The following BRINP3 variants were observed in gnomAD, a reference collection of about 807,000 sequenced individuals.
BRINP3 encodes the protein BMP/retinoic acid inducible neural specific 3, also known as BMP/retinoic acid-inducible neural-specific protein 3.
A neutral mutation model predicts 71.0 loss-of-function variants in BRINP3; 19 were observed. That is an observed-to-expected ratio of 0.27 (90% confidence interval 0.19 to 0.39). The LOEUF is 0.39. Ranked by LOEUF, BRINP3 falls within the 10% of genes least tolerant of loss-of-function variation. BRINP3 has a pLI of 1.00. For synonymous variants in BRINP3, 380 were observed against 337.7 expected, an observed-to-expected ratio of 1.13 and a Z score of -1.37; for missense variants, 959 against 940.8, an observed-to-expected ratio of 1.02 and a Z score of -0.25.
chr1:190,379,648 T>C (rs1215754691), intron 2 of BRINP3, among the ~76,000 whole-genome samples: 1 of 151,870 alleles, frequency 6.6e-6, no homozygotes, highest in Non-Finnish European at 1.5e-5. Flanking sequence ...AGAAGAATGG[T>C]GTAAGCAAAA....
chr1:190,347,463 C>A (rs1668098724), intron 2 of BRINP3, among the ~76,000 whole-genome samples: 1 of 152,114 alleles, frequency 6.6e-6, no homozygotes, highest in Admixed American at 6.6e-5. Flanking sequence ...TTAATATTCA[C>A]AAACATTATG....
At chr1:190,103,525 C>CATG (rs1651878731) in intron 7 of BRINP3, among the ~76,000 whole-genome samples, 1 of 152,022 alleles carries the variant, frequency 6.6e-6, no homozygotes, top group South Asian at 2.1e-4. Context: ...TCAGGAATCT[C>CATG]ATGTTAAAAT....
intron 6 of BRINP3, among the ~76,000 whole-genome samples, chr1:190,173,787 T>C (rs1385963334): frequency 3.9e-5 from 6 of 152,198 alleles, no homozygotes; most frequent in Non-Finnish European, 8.8e-5. Context: ...TTTATGAATA[T>C]AACTATTTTC....
rs1349757214 is a variant in BRINP3, at chr1:190,097,933, A to T, written c.*85T>A. ...AAGACAGATATTGAAAAGACAATTT[A>T]AATTTACTCTTCCAAACATAAACTG... On this transcript the variant is annotated 3_prime_UTR_variant, in exon 8 of 8. Transcript: ENST00000367462. 2 of 1,390,070 alleles carry T rather than the reference A, an allele frequency of 1.4e-6. No homozygotes were observed. The highest frequency in any genetic ancestry group is 1.9e-6 in the Non-Finnish European group (2 of 1,026,806). 86.1% of individuals were successfully genotyped at this position (1,390,070 alleles called of 1,614,324 possible).
chr1:190,120,567 C>A (rs996363443), intron 7 of BRINP3, among the ~76,000 whole-genome samples: 8 of 152,014 alleles, frequency 5.3e-5, no homozygotes, highest in Non-Finnish European at 1.2e-4. Flanking sequence ...GCAATCTTGG[C>A]TCACTGCCAC....
At chr1:190,324,219 G>A (rs1312903824) in intron 2 of BRINP3, among the ~76,000 whole-genome samples, 1 of 151,688 alleles carries the variant, frequency 6.6e-6, no homozygotes, top group South Asian at 2.1e-4. Context: ...GCTATACAAC[G>A]TGTGTGTTGT....
At chr1:190,457,603 T>C (rs1334493841) in intron 1 of BRINP3, among the ~76,000 whole-genome samples, 1 of 152,204 alleles carries the variant, frequency 6.6e-6, no homozygotes, top group Non-Finnish European at 1.5e-5. Context: ...TAGAGTGAGT[T>C]AATATTTGTA....
At chr1:190,414,867 G>C (rs988994481) in intron 2 of BRINP3, among the ~76,000 whole-genome samples, 4 of 152,180 alleles carry the variant, frequency 2.6e-5, no homozygotes, top group Non-Finnish European at 5.9e-5. Context: ...AGGAGCTGCT[G>C]TCATGACATT....
chr1:190,248,858 A>T (rs1659857653), intron 4 of BRINP3, among the ~76,000 whole-genome samples: 1 of 151,700 alleles, frequency 6.6e-6, no homozygotes, highest in Non-Finnish European at 1.5e-5. Context: ...TATGAGACAG[A>T]CTTTCTGTTC....
chr1:190,259,411 A>G (rs977782006), intron 4 of BRINP3, among the ~76,000 whole-genome samples: 1 of 151,876 alleles, frequency 6.6e-6, no homozygotes, highest in African/African-American at 2.4e-5. Flanking sequence ...ATAGACATAA[A>G]ATGCATTTGA....
intron 2 of BRINP3, among the ~76,000 whole-genome samples, chr1:190,364,886 G>C (rs1264430518): frequency 1.3e-5 from 2 of 152,048 alleles, no homozygotes; most frequent in African/African-American, 4.8e-5. Flanking sequence ...GAGTGACAAA[G>C]AGACTATGTA....
chr1:190,346,985 C>G (rs1668063517), intron 2 of BRINP3, among the ~76,000 whole-genome samples: 1 of 151,942 alleles, frequency 6.6e-6, no homozygotes, highest in Admixed American at 6.6e-5. Context: ...ATCATTTTTA[C>G]AGTCAACCAG....
Position 190,339,154 on chromosome 1 carries a change from C to T in BRINP3, c.237-57404G>A, listed in dbSNP as rs967769102. Among the ~76,000 whole-genome samples, 3 of 151,938 alleles carry T rather than the reference C, an allele frequency of 2.0e-5. No homozygotes were observed. The Admixed American group carries it at 2.0e-4, about 10-fold the overall frequency. On this transcript the variant is annotated intron_variant, in intron 2 of 7. Coordinates refer to ENST00000367462, the MANE Select transcript of BRINP3 (RefSeq NM_199051.3). ...TTAATTTGCCTTACCCTCTCTAGGA[C>T]AGTGGCCTTTCAAAAGCCTCACAAA...
chr1:190,350,511 A>T (rs555940925), intron 2 of BRINP3, among the ~76,000 whole-genome samples: 2 of 152,258 alleles, frequency 1.3e-5, no homozygotes, highest in South Asian at 4.1e-4. Context: ...GCTAAACTCA[A>T]AAGACAAAAG....
intron 3 of BRINP3, among the ~76,000 whole-genome samples, chr1:190,269,122 G>A (rs1404360612): frequency 6.6e-6 from 1 of 152,094 alleles, no homozygotes; most frequent in Non-Finnish European, 1.5e-5. Flanking sequence ...GGCAGACAAA[G>A]TAGAACAGGA....
intron 3 of BRINP3, among the ~76,000 whole-genome samples, chr1:190,277,742 T>A (rs918309900): frequency 1.3e-5 from 2 of 151,774 alleles, no homozygotes; most frequent in Non-Finnish European, 2.9e-5. Context: ...ACAAAAATGG[T>A]CATTAAATAT....
intron 6 of BRINP3, among the ~76,000 whole-genome samples, chr1:190,207,106 G>A (rs1471837937): frequency 6.6e-6 from 1 of 151,624 alleles, no homozygotes; most frequent in Non-Finnish European, 1.5e-5. Context: ...GATACACTGA[G>A]CTCCTAGTCA....
intron 2 of BRINP3, among the ~76,000 whole-genome samples, chr1:190,395,697 C>T (rs1013184481): frequency 3.3e-5 from 5 of 151,820 alleles, no homozygotes; most frequent in Admixed American, 1.3e-4. Flanking sequence ...CATTCAACTT[C>T]AGTCTTTGCC....
intron 3 of BRINP3, among the ~76,000 whole-genome samples, chr1:190,272,024 G>A (rs1372785976): frequency 6.6e-6 from 1 of 151,442 alleles, no homozygotes; most frequent in Non-Finnish European, 1.5e-5. Flanking sequence ...GGCAATTAAA[G>A]ATGAACATAG....
Sources: allele counts gnomAD v4.1 joint callset (sites outside exome capture counted in the v4.1 genomes callset), GRCh38; gene constraint gnomAD v4.1.1; transcripts MANE v1.5; gene names NCBI Gene and HGNC (gene_info 2026-07-23, HGNC 2026-07-21).